The following ROBO1 variants were observed in gnomAD, a reference collection of about 807,000 sequenced individuals.
ROBO1 encodes roundabout homolog 1.
A neutral mutation model predicts 195.9 loss-of-function variants in ROBO1; 149 were observed. The observed-to-expected ratio is 0.76, with a 90% CI of 0.67 to 0.87. The LOEUF is 0.87. Ranked by LOEUF, ROBO1 falls within the 40% of genes least tolerant of loss-of-function variation. ROBO1 has a pLI of 0.00. For missense variants in ROBO1, 1,933 were observed against 2,068.3 expected, an observed-to-expected ratio of 0.93 and a Z score of 1.27; for synonymous variants, 816 against 733.2, an observed-to-expected ratio of 1.11 and a Z score of -1.82.
At chr3:79,166,566 T>TTTTTTTTTA (rs1413493520) in intron 2 of ROBO1, among the ~76,000 whole-genome samples, 1 of 148,912 alleles carries the variant, frequency 6.7e-6, no homozygotes, top group African/African-American at 2.6e-5. Flanking sequence ...TTTTCTTTTT[T>TTTTTTTTTA]TTTTTTTTTT....
At chr3:79,172,173 C>T (rs977735681) in intron 2 of ROBO1, among the ~76,000 whole-genome samples, 1 of 152,062 alleles carries the variant, frequency 6.6e-6, no homozygotes, top group African/African-American at 2.4e-5. Context: ...TGAATAAGAT[C>T]CTGTGGTCTA....
chr3:78,932,547 T>C (rs915085712), intron 4 of ROBO1, among the ~76,000 whole-genome samples: 8 of 152,300 alleles, frequency 5.3e-5, no homozygotes, highest in South Asian at 2.1e-4. Context: ...TTTTGTAGCA[T>C]CCAATCTAGA....
chr3:79,364,990 G>A (rs2035913864), intron 2 of ROBO1, among the ~76,000 whole-genome samples: 1 of 152,152 alleles, frequency 6.6e-6, no homozygotes, highest in South Asian at 2.1e-4. Flanking sequence ...CTTCCACTCT[G>A]ACTGAGTTCT....
At chr3:79,676,985 T>C (rs1946802409) in intron 1 of ROBO1, among the ~76,000 whole-genome samples, 3 of 152,048 alleles carry the variant, frequency 2.0e-5, no homozygotes, top group Admixed American at 1.3e-4. Context: ...ATTGGGTAGA[T>C]ATTTTTTCAA....
chr3:79,653,986 A>G (rs940258762), intron 1 of ROBO1, among the ~76,000 whole-genome samples: 1 of 152,030 alleles, frequency 6.6e-6, no homozygotes, highest in African/African-American at 2.4e-5. Context: ...TCTCTGTTGA[A>G]TATTGAAGCT....
At chr3:78,852,821 G>A (rs2034152793) in intron 4 of ROBO1, among the ~76,000 whole-genome samples, 1 of 152,046 alleles carries the variant, frequency 6.6e-6, no homozygotes. Flanking sequence ...AGTTTCAAAG[G>A]GATGAAGTAT....
intron 2 of ROBO1, among the ~76,000 whole-genome samples, chr3:79,187,300 T>C (rs1363397242): frequency 6.6e-6 from 1 of 151,950 alleles, no homozygotes; most frequent in Non-Finnish European, 1.5e-5. Context: ...AAATAGGAGT[T>C]TCTACATTGT....
At chr3:79,331,012 T>C (rs545589128) in intron 2 of ROBO1, among the ~76,000 whole-genome samples, 37 of 152,326 alleles carry the variant, frequency 2.4e-4, no homozygotes, top group African/African-American at 7.2e-4. Flanking sequence ...GAACCGGACA[T>C]GTATGGCTCA....
chr3:79,329,831 C>T (rs1467348489), intron 2 of ROBO1, among the ~76,000 whole-genome samples: 1 of 152,024 alleles, frequency 6.6e-6, no homozygotes, highest in African/African-American at 2.4e-5. Context: ...TGGACATAAC[C>T]TTGTGGAGGT....
At chr3:78,816,569 C>T (rs1487340954) in intron 4 of ROBO1, among the ~76,000 whole-genome samples, 1 of 152,106 alleles carries the variant, frequency 6.6e-6, no homozygotes, top group Non-Finnish European at 1.5e-5. Context: ...AGAAAACGTT[C>T]TGGAAAGGAT....
chr3:79,553,073 C>G (rs1455819512), intron 2 of ROBO1, among the ~76,000 whole-genome samples: 1 of 152,012 alleles, frequency 6.6e-6, no homozygotes, highest in African/African-American at 2.4e-5. Context: ...ACAAGCTACT[C>G]TAATTTCACA....
At chr3:79,019,138 G>A (rs1258773286) in intron 3 of ROBO1, 2 of 986,224 alleles carry the variant, frequency 2.0e-6, no homozygotes, top group Non-Finnish European at 2.4e-6. Context: ...GACAGCAGCA[G>A]GACCGCGGAC....
chr3:78,648,630 T>G (rs993116614), intron 19 of ROBO1, among the ~76,000 whole-genome samples: 1 of 151,624 alleles, frequency 6.6e-6, no homozygotes, highest in African/African-American at 2.4e-5. Context: ...GGGAGGAGAT[T>G]GACTTATTTC....
intron 2 of ROBO1, among the ~76,000 whole-genome samples, chr3:79,164,326 G>T (rs1559705083): frequency 6.6e-6 from 1 of 152,148 alleles, no homozygotes; most frequent in Non-Finnish European, 1.5e-5. Context: ...TAGCACAGTT[G>T]CTTGAGAAGG....
chr3:79,401,265 A>G (rs1394251538), intron 2 of ROBO1, among the ~76,000 whole-genome samples: 1 of 151,796 alleles, frequency 6.6e-6, no homozygotes, highest in Admixed American at 6.6e-5. Flanking sequence ...TTCATTATTT[A>G]TTTATTAAGG....
chr3:79,170,278 A>C (rs2081143898), intron 2 of ROBO1, among the ~76,000 whole-genome samples: 1 of 151,858 alleles, frequency 6.6e-6, no homozygotes, highest in Admixed American at 6.6e-5. Context: ...TTAACACACC[A>C]CTCATTTCTG....
chr3:78,896,786 C>T (rs1323830742), intron 4 of ROBO1, among the ~76,000 whole-genome samples: 1 of 151,636 alleles, frequency 6.6e-6, no homozygotes, highest in Non-Finnish European at 1.5e-5. Context: ...GCTTTTCTAG[C>T]CAGTTTCTTG....
rs575913769 is a variant in ROBO1, at chr3:79,388,890, G to A, written c.88+200934C>T. Among the ~76,000 whole-genome samples the A allele has an allele frequency of 3.3e-5, 5 of 152,156 alleles. No homozygotes were observed. The South Asian group carries it at 1.0e-3, about 32-fold the overall frequency. On this transcript the variant is annotated intron_variant, in intron 2 of 30. Coordinates refer to ENST00000464233, the MANE Select transcript of ROBO1 (RefSeq NM_002941.4). ...TGATGGGTATATATTTTGTCCCACA[G>A]TTAGAACCAAAGGCCAGATAAATCT...
chr3:78,864,473 A>T (rs188473812), intron 4 of ROBO1, among the ~76,000 whole-genome samples: 2 of 133,948 alleles, frequency 1.5e-5, no homozygotes, highest in Non-Finnish European at 3.0e-5. Flanking sequence ...TTTCAGACAC[A>T]AAAAAGGGAA....
Sources: allele counts gnomAD v4.1 joint callset (sites outside exome capture counted in the v4.1 genomes callset), GRCh38; gene constraint gnomAD v4.1.1; transcripts MANE v1.5; gene names NCBI Gene and HGNC (gene_info 2026-07-23, HGNC 2026-07-21).